Variants in PRR16 observed in about 807,000 individuals in gnomAD.
The protein encoded by PRR16 is proline rich 16.
PRR16 carries 6 observed loss-of-function variants against 18.2 expected under a neutral mutation model. That is an observed-to-expected ratio of 0.33 (90% confidence interval 0.18 to 0.65). The LOEUF (loss-of-function observed/expected upper bound fraction) is 0.65. PRR16 is among the 30% of genes least tolerant of loss of function. The pLI, the probability that PRR16 is intolerant of heterozygous loss-of-function variation, is 0.74. For missense variants in PRR16, 412 were observed against 376.6 expected (o/e 1.09, Z -0.78); for synonymous variants, 151 against 147.8 (o/e 1.02, Z -0.16).
At chr5:120,484,163 C>A (rs1333013476) in intron 1 of PRR16, among the ~76,000 whole-genome samples, 1 of 151,506 alleles carries the variant, frequency 6.6e-6, no homozygotes, top group Non-Finnish European at 1.5e-5. Flanking sequence ...CTTAACTACT[C>A]AAGTTATCTG....
chr5:120,554,094 A>G (rs572375097), intron 1 of PRR16, among the ~76,000 whole-genome samples: 2 of 152,014 alleles, frequency 1.3e-5, no homozygotes, highest in African/African-American at 2.4e-5. Context: ...TTTAGAATCA[A>G]ATTTTTAAAA....
At chr5:120,780,292 A>T in the PRR16 span, among the ~76,000 whole-genome samples, 65 of 152,312 alleles carry the variant, frequency 4.3e-4, no homozygotes, top group African/African-American at 1.5e-3. Context: ...GTACTATAGA[A>T]TTGCACATAA....
At chr5:120,605,147 A>G (rs1044023859) in intron 1 of PRR16, among the ~76,000 whole-genome samples, 2 of 152,074 alleles carry the variant, frequency 1.3e-5, no homozygotes, top group Non-Finnish European at 2.9e-5. Context: ...ATGATTTCCA[A>G]TTTGCTTGCT....
At chr5:120,640,786 T>A (rs1233044739) in intron 1 of PRR16, among the ~76,000 whole-genome samples, 1 of 152,146 alleles carries the variant, frequency 6.6e-6, no homozygotes, top group Non-Finnish European at 1.5e-5. Context: ...ACAATTCTTC[T>A]CCCTTGCTTC....
chr5:120,620,099 C>T (rs1754638431), intron 1 of PRR16, among the ~76,000 whole-genome samples: 1 of 152,032 alleles, frequency 6.6e-6, no homozygotes, highest in African/African-American at 2.4e-5. Flanking sequence ...GAAAGATTCA[C>T]AATAAATTGG....
At chr5:120,471,020 C>T (rs950947284) in intron 1 of PRR16, among the ~76,000 whole-genome samples, 4 of 152,114 alleles carry the variant, frequency 2.6e-5, no homozygotes, top group African/African-American at 7.2e-5. Context: ...CTTGCAGCAG[C>T]AGCGTATGTA....
chr5:120,480,862 A>T (rs1181556481), intron 1 of PRR16, among the ~76,000 whole-genome samples: 1 of 152,228 alleles, frequency 6.6e-6, no homozygotes, highest in Non-Finnish European at 1.5e-5. Flanking sequence ...TGAGGAAAGT[A>T]AACCAGTTAA....
chr5:120,525,219 T>C (rs754259419), intron 1 of PRR16, among the ~76,000 whole-genome samples: 29 of 152,094 alleles, frequency 1.9e-4, no homozygotes, highest in Non-Finnish European at 3.7e-4. Flanking sequence ...TTATATATTT[T>C]AGTATGTTAA....
intron 1 of PRR16, among the ~76,000 whole-genome samples, chr5:120,498,941 C>T (rs1245822971): frequency 6.6e-6 from 1 of 150,466 alleles, no homozygotes; most frequent in Non-Finnish European, 1.5e-5. Context: ...TCTCTTACTA[C>T]TTTAAAGATT....
At chr5:120,653,193 G>A (rs1755850089) in intron 1 of PRR16, among the ~76,000 whole-genome samples, 2 of 151,768 alleles carry the variant, frequency 1.3e-5, no homozygotes, top group Admixed American at 6.6e-5. Flanking sequence ...GTGGTATTCA[G>A]ATTCTTGGTC....
At chr5:120,775,796 A>G in the PRR16 span, among the ~76,000 whole-genome samples, 1 of 80,618 alleles carries the variant, frequency 1.2e-5, no homozygotes, top group Non-Finnish European at 2.5e-5. Context: ...ACGCCTGGCT[A>G]TTTTTTTTTT....
intron 1 of PRR16, among the ~76,000 whole-genome samples, chr5:120,510,493 C>T (rs763063327): frequency 2.0e-5 from 3 of 152,148 alleles, no homozygotes; most frequent in Non-Finnish European, 4.4e-5. Context: ...GATTATTTTG[C>T]ACTTCCTATC....
At chr5:120,754,230 TA>T in the PRR16 span, among the ~76,000 whole-genome samples, 3 of 19,192 alleles carry the variant, frequency 1.6e-4, no homozygotes, top group Admixed American at 9.2e-4. Flanking sequence ...ATATATAATA[TA>T]ATATATAATT....
At chr5:120,778,592 CAG>C in the PRR16 span, among the ~76,000 whole-genome samples, 27 of 152,268 alleles carry the variant, frequency 1.8e-4, no homozygotes, top group African/African-American at 5.5e-4. Flanking sequence ...ACCTTAATAA[CAG>C]AGGAAAATCC....
chr5:120,692,305 A>T (rs1041169410), downstream of PRR16, among the ~76,000 whole-genome samples: 2 of 152,210 alleles, frequency 1.3e-5, no homozygotes, highest in Non-Finnish European at 2.9e-5. Flanking sequence ...GTTCTTTGTT[A>T]CGAACTCTGT....
chr5:120,636,788 TA>T (rs1387381569), intron 1 of PRR16, among the ~76,000 whole-genome samples: 23 of 152,136 alleles, frequency 1.5e-4, no homozygotes, highest in African/African-American at 5.1e-4. Flanking sequence ...AGATGGGACT[TA>T]ATTAAACTAA....
chr5:120,777,418 C>T, the PRR16 span, among the ~76,000 whole-genome samples: 7 of 152,068 alleles, frequency 4.6e-5, no homozygotes, highest in East Asian at 3.9e-4. Flanking sequence ...TAATTATTTT[C>T]GGCCTCAAAT....
intron 1 of PRR16, among the ~76,000 whole-genome samples, chr5:120,666,441 A>G (rs1485396684): frequency 1.3e-5 from 2 of 151,222 alleles, no homozygotes; most frequent in East Asian, 2.0e-4. Flanking sequence ...CTAATTGAAT[A>G]CCCTTTATTT....
At chr5:120,554,049 TACAC>T (rs1442837568) in intron 1 of PRR16, among the ~76,000 whole-genome samples, 3 of 152,036 alleles carry the variant, frequency 2.0e-5, no homozygotes, top group African/African-American at 7.2e-5. Context: ...TCACAGATAA[TACAC>T]AATCATGAAA....
Sources: allele counts gnomAD v4.1 joint callset (sites outside exome capture counted in the v4.1 genomes callset), GRCh38; gene constraint gnomAD v4.1.1; transcripts MANE v1.5; gene names NCBI Gene and HGNC (gene_info 2026-07-23, HGNC 2026-07-21).